The following GABRG3 variants were observed in gnomAD, a reference collection of about 807,000 sequenced individuals.
GABRG3 encodes gamma-aminobutyric acid receptor subunit gamma-3.
Under a neutral mutation model 48.8 loss-of-function variants are expected in GABRG3, and 25 were observed. That is an observed-to-expected ratio of 0.51 (90% confidence interval 0.37 to 0.72). The LOEUF (loss-of-function observed/expected upper bound fraction) is 0.72, where lower values mean the gene tolerates loss of function less well. GABRG3 is among the 30% of genes least tolerant of loss of function. GABRG3 has a pLI of 0.00. For missense variants in GABRG3, 394 were observed against 577.9 expected (o/e 0.68, Z 3.26); for synonymous variants, 227 against 217.6 (o/e 1.04, Z -0.38).
intron 3 of GABRG3, among the ~76,000 whole-genome samples, chr15:27,030,193 C>T (rs915133786): frequency 5.9e-5 from 9 of 152,066 alleles, no homozygotes; most frequent in Non-Finnish European, 1.2e-4. Flanking sequence ...GGGGTTTGAC[C>T]GTAAAGGTAA....
At chr15:27,348,060 T>C (rs182645747) in intron 5 of GABRG3, among the ~76,000 whole-genome samples, 1 of 151,182 alleles carries the variant, frequency 6.6e-6, no homozygotes, top group East Asian at 1.9e-4. Flanking sequence ...TCACAGTTAA[T>C]GTTTAAGAGC....
At chr15:27,007,347 G>A (rs1425318101) in intron 2 of GABRG3, among the ~76,000 whole-genome samples, 1 of 151,996 alleles carries the variant, frequency 6.6e-6, no homozygotes, top group African/African-American at 2.4e-5. Flanking sequence ...CAAAGTATTG[G>A]GATTATAGGT....
intron 3 of GABRG3, among the ~76,000 whole-genome samples, chr15:27,272,109 C>G (rs896615857): frequency 2.8e-4 from 43 of 152,254 alleles, no homozygotes; most frequent in African/African-American, 1.0e-3. Context: ...ATGCCCTGGG[C>G]AGGGTTTCCA....
At chr15:27,387,585 T>C (rs184317276) in intron 5 of GABRG3, among the ~76,000 whole-genome samples, 2 of 152,080 alleles carry the variant, frequency 1.3e-5, no homozygotes, top group East Asian at 3.9e-4. Flanking sequence ...TTGATACACA[T>C]GTGTGAATAT....
chr15:27,142,186 TATTC>T (rs1209558836), intron 3 of GABRG3, among the ~76,000 whole-genome samples: 1 of 152,200 alleles, frequency 6.6e-6, no homozygotes. Flanking sequence ...ATTGATAACT[TATTC>T]ATTCATTATA....
chr15:27,037,012 C>T (rs1334035416), intron 3 of GABRG3, among the ~76,000 whole-genome samples: 4 of 152,148 alleles, frequency 2.6e-5, no homozygotes, highest in Non-Finnish European at 5.9e-5. Flanking sequence ...CACACACTCA[C>T]AGGGAGAACA....
intron 3 of GABRG3, among the ~76,000 whole-genome samples, chr15:27,294,185 G>A (rs1029674872): frequency 6.7e-6 from 1 of 150,136 alleles, no homozygotes; most frequent in African/African-American, 2.5e-5. Flanking sequence ...CCTGTCATCT[G>A]TAATCTCTGT....
intron 3 of GABRG3, among the ~76,000 whole-genome samples, chr15:27,231,268 T>A (rs201130607): frequency 0.18 from 27,797 of 152,128 alleles, 3,546 homozygotes; most frequent in East Asian, 0.41. Context: ...AAAAATCCTC[T>A]AACAGTTCTA....
At chr15:27,299,524 C>G (rs1417849163) in intron 3 of GABRG3, among the ~76,000 whole-genome samples, 1 of 152,136 alleles carries the variant, frequency 6.6e-6, no homozygotes, top group Non-Finnish European at 1.5e-5. Flanking sequence ...AGTGAGAGTT[C>G]TAATGTAAGC....
At chr15:27,353,752 G>A (rs994849425) in intron 5 of GABRG3, among the ~76,000 whole-genome samples, 7 of 152,090 alleles carry the variant, frequency 4.6e-5, no homozygotes, top group East Asian at 1.9e-4. Flanking sequence ...CAGTATGTGC[G>A]TAGTTTTCAA....
chr15:27,216,607 G>C (rs1023345210), intron 3 of GABRG3, among the ~76,000 whole-genome samples: 1 of 152,104 alleles, frequency 6.6e-6, no homozygotes, highest in Non-Finnish European at 1.5e-5. Flanking sequence ...CCTGGGAATC[G>C]ATCGTTAGTC....
At chr15:27,322,399 C>T (rs1470004014) in intron 3 of GABRG3, among the ~76,000 whole-genome samples, 1 of 152,150 alleles carries the variant, frequency 6.6e-6, no homozygotes, top group African/African-American at 2.4e-5. Context: ...AAGCCTCCAC[C>T]TCATGGATGG....
chr15:27,063,363 G>T (rs1190004447), intron 3 of GABRG3, among the ~76,000 whole-genome samples: 2 of 152,234 alleles, frequency 1.3e-5, no homozygotes, highest in East Asian at 1.9e-4. Flanking sequence ...GTTAAAATGC[G>T]ATCCTCAGTC....
intron 2 of GABRG3, among the ~76,000 whole-genome samples, chr15:26,987,047 GGAGATTGAGACCATCCT>G (rs1438234934): frequency 6.6e-6 from 1 of 152,228 alleles, no homozygotes; most frequent in Non-Finnish European, 1.5e-5. Context: ...CACGAGGTCA[GGAGATTGAGACCATCCT>G]GGCTAACATG....
At chr15:27,028,771 A>C (rs1229030899) in intron 3 of GABRG3, among the ~76,000 whole-genome samples, 1 of 143,216 alleles carries the variant, frequency 7.0e-6, no homozygotes, top group African/African-American at 2.6e-5. Flanking sequence ...GAGCCACTGC[A>C]CTCCAGCCTG....
At chr15:27,212,950 A>C (rs1217741933) in intron 3 of GABRG3, among the ~76,000 whole-genome samples, 2 of 152,226 alleles carry the variant, frequency 1.3e-5, no homozygotes, top group Non-Finnish European at 2.9e-5. Flanking sequence ...TCTACTGTAT[A>C]GATATACCAC....
rs559324889 is a variant in GABRG3 at position 27,162,565 on chromosome 15, G to A, written c.270+135744G>A. Among the ~76,000 whole-genome samples, 27 of 152,190 alleles carry A rather than the reference G, an allele frequency of 1.8e-4. No individual in the cohort carries two copies. The South Asian group carries it at 5.6e-3, about 32-fold the overall frequency. On this transcript the variant is annotated intron_variant, in intron 3 of 9. Transcript: ENST00000615808. ...TCGGGTGCAGTACCTGGCAGTAATG[G>A]ATATCAATGGTATCCAATGGAGAAA...
At chr15:27,385,083 T>C (rs1160267945) in intron 5 of GABRG3, among the ~76,000 whole-genome samples, 1 of 152,180 alleles carries the variant, frequency 6.6e-6, no homozygotes, top group Non-Finnish European at 1.5e-5. Context: ...TTCATTCTGA[T>C]GCTTTGACAT....
chr15:27,028,122 T>C (rs1452454915), intron 3 of GABRG3, among the ~76,000 whole-genome samples: 2 of 152,222 alleles, frequency 1.3e-5, no homozygotes, highest in Admixed American at 6.5e-5. Flanking sequence ...GGAATTTTCA[T>C]GTGGAAATCA....
Sources: allele counts gnomAD v4.1 joint callset (sites outside exome capture counted in the v4.1 genomes callset), GRCh38; gene constraint gnomAD v4.1.1; transcripts MANE v1.5; gene names NCBI Gene and HGNC (gene_info 2026-07-23, HGNC 2026-07-21).